Variants in SYT3 observed in about 807,000 individuals in gnomAD.
The protein encoded by SYT3 is synaptotagmin 3.
Under a neutral mutation model 50.6 loss-of-function variants are expected in SYT3, and 25 were observed. That is an observed-to-expected ratio of 0.49 (90% confidence interval 0.36 to 0.69). SYT3 has a LOEUF of 0.69. SYT3 is among the 30% of genes least tolerant of loss of function. The probability of loss-of-function intolerance (pLI) is 0.00; values close to 1 mark genes in which losing one functional copy is unlikely to be tolerated. For missense variants in SYT3, 589 were observed against 793.6 expected (o/e 0.74, Z 3.10); for synonymous variants, 323 against 353.9 (o/e 0.91, Z 0.98).
the SYT3 span, among the ~76,000 whole-genome samples, chr19:50,652,041 T>C: frequency 0.011 from 1,648 of 152,240 alleles, 33 homozygotes; most frequent in African/African-American, 0.037. Flanking sequence ...TGGCATGAAT[T>C]GACACCATTG....
upstream of SYT3, among the ~76,000 whole-genome samples, chr19:50,643,848 T>A (rs971804870): frequency 2.0e-5 from 3 of 152,130 alleles, no homozygotes; most frequent in East Asian, 5.8e-4. Context: ...CTAGGATCAA[T>A]GCTAGGAAGG....
the SYT3 span, among the ~76,000 whole-genome samples, chr19:50,654,539 TGC>T: frequency 6.6e-6 from 1 of 152,010 alleles, no homozygotes; most frequent in African/African-American, 2.4e-5. Context: ...CCTCGTGATC[TGC>T]CCGCTTCAGC....
In SYT3 at chr19:50,622,264, A is replaced by C. The variant is rs1415374048; in HGVS notation, c.*221T>G. On this transcript the variant is annotated 3_prime_UTR_variant, in exon 11 of 11. Coordinates refer to ENST00000600079, the MANE Select transcript of SYT3 (RefSeq NM_001160329.2). Reference sequence around the variant, plus strand: ...TCGAGGGGGAGCCCCAGGGAAGAAAAGACAGACACAGTGGAGGCTGAATGA... The same window carrying C: ...TCGAGGGGGAGCCCCAGGGAAGAAACGACAGACACAGTGGAGGCTGAATGA... 6.2e-6 allele frequency: 1 copy of C among 161,232 alleles called. No individual in the cohort carries two copies. The highest frequency in any genetic ancestry group is 1.3e-5 in the Non-Finnish European group (1 of 74,176). 10.0% of individuals were successfully genotyped at this position (161,232 alleles called of 1,614,324 possible).
At position 50,632,140 on chromosome 19, in the gene SYT3, C is replaced by T. The variant is rs527403058; in HGVS notation, c.674+146G>A. The T allele has an allele frequency of 9.8e-6, 9 of 920,392 alleles. No individual in the cohort carries two copies. In the African/African-American group the frequency reaches 1.3e-4, roughly 14 times the overall value. The allele number at this position is 920,392 out of a possible 1,614,324, so 57.0% of individuals were successfully genotyped here. Reference sequence around the variant, plus strand: ...CTCCCTCAGATCCAGGAGTCTAGGGCCCCAGCCTCCTCTTTCCCTAAGATC... The same window carrying T: ...CTCCCTCAGATCCAGGAGTCTAGGGTCCCAGCCTCCTCTTTCCCTAAGATC... On this transcript the variant is annotated intron_variant, in intron 4 of 10. Transcript: ENST00000600079. The surrounding 1 kb of genome is among the most constrained non-coding windows in gnomAD (Gnocchi z 4.7).
Position 50,637,334 on chromosome 19 carries a change from A to T in SYT3, c.78T>A (p.Asp26Glu). The change falls in exon 3 of 11, where the codon GAT (aspartate) becomes GAA (glutamate). Residue 26 changes from aspartate (D) to glutamate (E), a missense_variant. Transcript: ENST00000600079. This position sits in a 1 kb window ranked among gnomAD's most constrained non-coding sequence, Gnocchi z 4.9. ...LVSDLCARVR[D>E]ADTNDRCQEF... ...CCTGGCACCTGTCGTTGGTGTCAGCATCTCGGACCCGCGCACAGAGGTCCG... is the reference window on the plus strand; with the variant it reads ...CCTGGCACCTGTCGTTGGTGTCAGCTTCTCGGACCCGCGCACAGAGGTCCG... 6.2e-7 allele frequency: 1 copy of T among 1,613,374 alleles called. No individual in the cohort carries two copies. The highest frequency in any genetic ancestry group is 8.5e-7 in the Non-Finnish European group (1 of 1,179,930).
chr19:50,654,803 A>ATT, the SYT3 span, among the ~76,000 whole-genome samples: 1 of 151,730 alleles, frequency 6.6e-6, no homozygotes, highest in African/African-American at 2.4e-5. Flanking sequence ...ATAATTAAAA[A>ATT]TTTTTTTTTG....
chr19:50,636,844 C>G (rs774751730), intron 3 of SYT3, among the ~76,000 whole-genome samples: 44 of 152,204 alleles, frequency 2.9e-4, no homozygotes, highest in Non-Finnish European at 4.4e-5. Context: ...CTTTCATCTG[C>G]TCTATGAAGC....
intron 4 of SYT3, among the ~76,000 whole-genome samples, chr19:50,630,863 C>A (rs1407405046): frequency 6.6e-6 from 1 of 152,160 alleles, no homozygotes; most frequent in East Asian, 1.9e-4. Flanking sequence ...CGCTCTTCTG[C>A]CCTTCTCTTA....
intron 9 of SYT3, among the ~76,000 whole-genome samples, chr19:50,624,013 A>G (rs1599811899): frequency 6.8e-6 from 1 of 147,182 alleles, no homozygotes; most frequent in Non-Finnish European, 1.5e-5. Context: ...CCCAGGCTGG[A>G]GTGTGGTGGT....
the SYT3 span, among the ~76,000 whole-genome samples, chr19:50,656,674 G>A: frequency 4.6e-5 from 7 of 152,230 alleles, no homozygotes; most frequent in Admixed American, 2.0e-4. Flanking sequence ...CATGTGTGTC[G>A]GGTGCGGTGG....
chr19:50,637,545 G>T lies in SYT3; in HGVS notation c.-15-119C>A. 1 of 846,074 alleles carries T rather than the reference G, an allele frequency of 1.2e-6. No homozygotes were observed. Among genetic ancestry groups the T allele is most frequent in the Non-Finnish European group, 1.8e-6 (1 of 558,224 alleles). 52.4% of individuals were successfully genotyped at this position (846,074 alleles called of 1,614,324 possible). ...CGAGAAAAGGAAGGATGGGCAAAGG[G>T]GACAGAGATTAGGGGCAGATGGATT... On this transcript the variant is annotated intron_variant, in intron 2 of 10. Transcript: ENST00000600079. The surrounding 1 kb of genome is among the most constrained non-coding windows in gnomAD (Gnocchi z 4.9).
chr19:50,627,726 CAAAA>C (rs36099001), intron 6 of SYT3, among the ~76,000 whole-genome samples: 1 of 96,382 alleles, frequency 1.0e-5, no homozygotes, highest in Non-Finnish European at 2.1e-5. Context: ...GACTCTGTCT[CAAAA>C]AAAAAAAAAA....
intron 9 of SYT3, chr19:50,624,877 G>A (rs959177249): frequency 1.2e-5 from 4 of 332,022 alleles, no homozygotes; most frequent in African/African-American, 8.5e-5. Context: ...TTAGCCTCAT[G>A]GGTAACAACA....
the SYT3 span, among the ~76,000 whole-genome samples, chr19:50,656,760 T>A: frequency 6.6e-6 from 1 of 152,114 alleles, no homozygotes; most frequent in African/African-American, 2.4e-5. Context: ...GAGACTAGCC[T>A]GGCTAACATG....
chr19:50,638,229 A>G (rs889135), intron 2 of SYT3, among the ~76,000 whole-genome samples: 134,101 of 152,100 alleles, frequency 0.88, 59,450 homozygotes, highest in Middle Eastern at 0.96. Flanking sequence ...TGGCGCCAGG[A>G]TGGGAAAAGC....
At chr19:50,647,634 T>G in the SYT3 span, among the ~76,000 whole-genome samples, 7 of 151,950 alleles carry the variant, frequency 4.6e-5, no homozygotes, top group Admixed American at 6.6e-5. Flanking sequence ...ACCGCTGCAC[T>G]CCAGCCTGGG....
chr19:50,656,506 G>T, the SYT3 span, among the ~76,000 whole-genome samples: 1 of 152,168 alleles, frequency 6.6e-6, no homozygotes, highest in Admixed American at 6.5e-5. Context: ...TTGTGAATTT[G>T]TCAAAGGGTC....
chr19:50,656,248 A>T, the SYT3 span: 1 of 1,536,110 alleles, frequency 6.5e-7, no homozygotes, highest in Non-Finnish European at 8.7e-7. Context: ...GCGGCAGGTC[A>T]TTGCAGAGTA....
chr19:50,629,957 C>T lies in SYT3; in HGVS notation c.889G>A (p.Gly297Arg). ...AAGCTGATACGGCCACAGGGTGCCC[C>T]TGTGCCTGCCTCTCCAGAGCCTGGG... ...GGPGSGEAGTGAPCGRISFAL... is the reference protein window; with the variant it reads ...GGPGSGEAGTRAPCGRISFAL... Residue 297 changes from glycine to arginine, a missense_variant, in exon 5 of 11, where the codon GGG (glycine) becomes AGG (arginine). Around this residue, in one of 2 missense-constraint regions of SYT3, gnomAD observed 273 missense variants for 439.3 expected, o/e 0.62. Coordinates refer to ENST00000600079, the MANE Select transcript of SYT3 (RefSeq NM_001160329.2). The T allele has an allele frequency of 6.2e-7, 1 of 1,613,902 alleles. No individual in the cohort carries two copies. Among genetic ancestry groups the T allele is most frequent in the East Asian group, 2.2e-5 (1 of 44,856 alleles).
Sources: allele counts gnomAD v4.1 joint callset (sites outside exome capture counted in the v4.1 genomes callset), GRCh38; gene constraint gnomAD v4.1.1; regional missense constraint gnomAD v4.1.1; non-coding constraint Gnocchi (gnomAD v3.1); transcripts MANE v1.5; gene names NCBI Gene and HGNC (gene_info 2026-07-23, HGNC 2026-07-21).